Variants in PRDM10 observed in about 807,000 individuals in gnomAD.
PRDM10 encodes PR domain zinc finger protein 10.
Under a neutral mutation model 133.1 loss-of-function variants are expected in PRDM10, and 65 were observed. That is an observed-to-expected ratio of 0.49 (90% CI 0.40 to 0.60). The LOEUF (loss-of-function observed/expected upper bound fraction) is 0.60, where lower values mean the gene tolerates loss of function less well. Ranked by LOEUF, PRDM10 falls within the 20% of genes least tolerant of loss-of-function variation. PRDM10 has a pLI of 0.00. For synonymous variants in PRDM10, 582 were observed against 580.4 expected, an observed-to-expected ratio of 1.00 and a Z score of -0.04; for missense variants, 1,137 against 1,507.1, an observed-to-expected ratio of 0.75 and a Z score of 4.07.
intron 18 of PRDM10, 116 bp from the exon 19 acceptor site, chr11:129,910,772 G>A (rs1039366727): frequency 5.0e-6 from 5 of 1,004,782 alleles, no homozygotes; most frequent in African/African-American, 1.7e-5. Context: ...TGAAACTATC[G>A]TTGCTATTTT....
At chr11:129,915,397 G>A (rs1465610039) in intron 16 of PRDM10, among the ~76,000 whole-genome samples, 1 of 152,162 alleles carries the variant, frequency 6.6e-6, no homozygotes, top group Non-Finnish European at 1.5e-5. Flanking sequence ...ACATTCAAAC[G>A]TGAGGCCCTC....
chr11:129,907,676 T>G (rs1950057621), intron 19 of PRDM10, among the ~76,000 whole-genome samples: 1 of 152,068 alleles, frequency 6.6e-6, no homozygotes, highest in African/African-American at 2.4e-5. Flanking sequence ...GTGCTGGGAT[T>G]ACAGACGTGA....
At chr11:129,937,462 T>C (rs1951069037) in intron 8 of PRDM10, 136 bp downstream of exon 8, 2 of 607,760 alleles carry the variant, frequency 3.3e-6, no homozygotes, top group Non-Finnish European at 5.5e-6. Flanking sequence ...TAGATGGAGA[T>C]GTGTGTCTCT....
At position 129,944,901 on chromosome 11, in the gene PRDM10, A is replaced by C. The variant is rs1951355279; in HGVS notation, c.632T>G (p.Val211Gly). 6.2e-7 allele frequency: 1 copy of C among 1,613,992 alleles called. No individual in the cohort carries two copies. The highest frequency in any genetic ancestry group is 8.5e-7 in the Non-Finnish European group (1 of 1,180,026). The stretch of plus-strand genomic sequence containing the variant: ...GCCCAGAAACCTGTCTATGTAGAGC[A>C]CCAGGGGGAGGCTCGCCCTGGCCCG... ...LTRARASLPLVLYIDRFLGGV... is the reference protein window; with the variant it reads ...LTRARASLPLGLYIDRFLGGV... Residue 211 changes from valine (V) to glycine (G), a missense_variant, in exon 6 of 21, where the codon GTG becomes GGG. Transcript: ENST00000360871.
Position 129,907,556 on chromosome 11 carries a change from T to C in PRDM10, c.3164-1815A>G, listed in dbSNP as rs746804770. ...AGTAACTGGGACTGTAGGTGCGCAC[T>C]ACCATGCCCAGCTAATTTTTGTATT... On this transcript the variant is annotated intron_variant, in intron 19 of 20. Transcript: ENST00000360871. 4.2e-4 allele frequency among the ~76,000 whole-genome samples: 64 copies of C among 151,868 alleles called. 1 individual carries two copies. Among genetic ancestry groups the C allele is most frequent in the Non-Finnish European group, 6.8e-4 (46 of 67,920 alleles).
intron 1 of PRDM10, among the ~76,000 whole-genome samples, chr11:129,974,750 T>A: frequency 6.6e-6 from 1 of 152,224 alleles, no homozygotes; most frequent in Non-Finnish European, 1.5e-5. Context: ...GTACCCGATA[T>A]GCTGCTCTTC....
intron 13 of PRDM10, among the ~76,000 whole-genome samples, chr11:129,919,281 C>T (rs1950451250): frequency 6.6e-6 from 1 of 152,146 alleles, no homozygotes; most frequent in East Asian, 1.9e-4. Flanking sequence ...GCAGGAGAAT[C>T]ACTTGAATCT....
chr11:129,913,485 G>C (rs1950257758), intron 17 of PRDM10, among the ~76,000 whole-genome samples: 1 of 152,160 alleles, frequency 6.6e-6, no homozygotes, highest in Non-Finnish European at 1.5e-5. Flanking sequence ...AAAAATTTCA[G>C]TTACATTTAA....
chr11:129,959,925 CTTTTTTT>C (rs112833018), intron 2 of PRDM10, among the ~76,000 whole-genome samples: 1 of 138,324 alleles, frequency 7.2e-6, no homozygotes, highest in Non-Finnish European at 1.6e-5. Context: ...GCTAATTTTT[CTTTTTTT>C]TTTTTTTTGG....
At chr11:129,915,446 G>A (rs183357902) in intron 16 of PRDM10, among the ~76,000 whole-genome samples, 2 of 152,346 alleles carry the variant, frequency 1.3e-5, no homozygotes, top group East Asian at 3.9e-4. Flanking sequence ...AGCTGCTCGG[G>A]CTGCTGTACG....
chr11:129,912,388 T>C (rs1950213432), intron 17 of PRDM10, among the ~76,000 whole-genome samples, 163 bp from the exon 18 acceptor site: 2 of 151,916 alleles, frequency 1.3e-5, no homozygotes, highest in African/African-American at 4.8e-5. Flanking sequence ...GTGTATCGCT[T>C]GAGCCCAGGA....
At position 129,910,533 on chromosome 11, in the gene PRDM10, T is replaced by TCTGCTGCTG. The variant is rs113169112; in HGVS notation, c.3097_3105dup (p.Gln1033_Gln1035dup). 9.8e-5 allele frequency: 158 copies of TCTGCTGCTG among 1,612,398 alleles called. No individual in the cohort carries two copies. The Middle Eastern group carries it at 9.9e-4, about 10-fold the overall frequency. On this transcript the variant is annotated inframe_insertion, in exon 19 of 21. Coordinates refer to ENST00000360871, the MANE Select transcript of PRDM10 (RefSeq NM_199437.2). ...AGGTACGTGTGCTGCACAGAGGAAT[T>TCTGCTGCTG]CTGCTGCTGCTGCTGCTGCTGCTGC...
At chr11:129,984,587 C>T (rs900641320) in intron 1 of PRDM10, among the ~76,000 whole-genome samples, 2 of 152,126 alleles carry the variant, frequency 1.3e-5, no homozygotes, top group African/African-American at 4.8e-5. Context: ...GTGTCTACTG[C>T]AAAATCCAGC....
intron 1 of PRDM10, among the ~76,000 whole-genome samples, chr11:129,995,911 A>C: frequency 6.6e-6 from 1 of 152,088 alleles, no homozygotes; most frequent in East Asian, 1.9e-4. Context: ...ATGCCACTGC[A>C]CTCCAGCCTG....
chr11:130,002,462 C>G (rs1223206424), intron 1 of PRDM10, among the ~76,000 whole-genome samples: 1 of 152,142 alleles, frequency 6.6e-6, no homozygotes, highest in East Asian at 1.9e-4. Context: ...TTTGACCCCC[C>G]ACCCCGAGTG....
chr11:129,992,560 C>T (rs1938813961), intron 1 of PRDM10, among the ~76,000 whole-genome samples: 1 of 152,196 alleles, frequency 6.6e-6, no homozygotes, highest in Admixed American at 6.5e-5. Context: ...TAGCCGTGCT[C>T]TCCCACCAGA....
intron 7 of PRDM10, among the ~76,000 whole-genome samples, chr11:129,938,877 C>T (rs530171034): frequency 3.3e-5 from 5 of 152,306 alleles, no homozygotes; most frequent in South Asian, 2.1e-4. Context: ...CCCTGACCCA[C>T]GCTTCAGTCA....
intron 1 of PRDM10, among the ~76,000 whole-genome samples, chr11:129,991,152 T>C (rs953897537): frequency 6.6e-6 from 1 of 152,226 alleles, no homozygotes; most frequent in Non-Finnish European, 1.5e-5. Context: ...GTATAGAGTA[T>C]AATGCAAATG....
chr11:129,970,272 T>TAA (rs1951990539), intron 1 of PRDM10, among the ~76,000 whole-genome samples: 1 of 152,222 alleles, frequency 6.6e-6, no homozygotes, highest in Non-Finnish European at 1.5e-5. Flanking sequence ...ATTGGTTCAT[T>TAA]TAATCCTCAC....
Sources: allele counts gnomAD v4.1 joint callset (sites outside exome capture counted in the v4.1 genomes callset), GRCh38; gene constraint gnomAD v4.1.1; transcripts MANE v1.5; gene names NCBI Gene and HGNC (gene_info 2026-07-23, HGNC 2026-07-21).